UNC5C: variants seen among roughly 807,000 people sequenced by gnomAD.
UNC5C encodes the protein unc-5 netrin receptor C.
UNC5C carries 47 observed loss-of-function variants against 99.8 expected under a neutral mutation model. That is an observed-to-expected ratio of 0.47 (90% CI 0.37 to 0.60). UNC5C has a LOEUF of 0.60. Among genes scored for constraint, UNC5C ranks in the 20% least tolerant of loss-of-function variants. The pLI, the probability that UNC5C is intolerant of heterozygous loss-of-function variation, is 0.00. For missense variants in UNC5C, 1,062 were observed against 1,165.9 expected (o/e 0.91, Z 1.30); for synonymous variants, 487 against 452.2 (o/e 1.08, Z -0.98).
At chr4:95,475,560 T>C (rs930412236) in intron 1 of UNC5C, among the ~76,000 whole-genome samples, 6 of 151,978 alleles carry the variant, frequency 3.9e-5, no homozygotes, top group African/African-American at 7.2e-5. Flanking sequence ...GATAGATAGA[T>C]AGATATTTGA....
intron 1 of UNC5C, among the ~76,000 whole-genome samples, chr4:95,363,977 G>A (rs898357823): frequency 1.3e-5 from 2 of 152,074 alleles, no homozygotes; most frequent in Admixed American, 1.3e-4. Flanking sequence ...TAAAGTGTGG[G>A]GGTGACATAT....
chr4:95,496,810 A>G (rs1050378202), intron 1 of UNC5C, among the ~76,000 whole-genome samples: 6 of 151,726 alleles, frequency 4.0e-5, no homozygotes, highest in African/African-American at 1.5e-4. Context: ...ACCATACCCA[A>G]TATGTAGTTT....
intron 1 of UNC5C, among the ~76,000 whole-genome samples, chr4:95,367,986 G>A (rs1006188808): frequency 6.6e-6 from 1 of 152,150 alleles, no homozygotes; most frequent in Non-Finnish European, 1.5e-5. Flanking sequence ...CAGATATGGT[G>A]CAGTGAATAG....
At chr4:95,520,914 A>T (rs1050434639) in intron 1 of UNC5C, among the ~76,000 whole-genome samples, 1 of 151,918 alleles carries the variant, frequency 6.6e-6, no homozygotes, top group Non-Finnish European at 1.5e-5. Flanking sequence ...TATCCTCTTT[A>T]TTGTAACCTG....
intron 1 of UNC5C, among the ~76,000 whole-genome samples, chr4:95,361,128 C>A (rs1292095456): frequency 6.6e-6 from 1 of 152,070 alleles, no homozygotes; most frequent in Non-Finnish European, 1.5e-5. Flanking sequence ...TAAGACAGCA[C>A]GGATCACATG....
rs151051852 is a variant in UNC5C, at chr4:95,349,322, G to GGTGTGTGT, written c.125-13699_125-13692dup. Among the ~76,000 whole-genome samples the GGTGTGTGT allele has an allele frequency of 2.2e-3, 270 of 120,714 alleles. 3 individuals carry two copies. In the East Asian group the frequency reaches 0.027, roughly 12 times the overall value. 79.2% of individuals were successfully genotyped at this position (120,714 alleles called of 152,430 possible). A position where few individuals can be genotyped will look rare whatever the true frequency, so the allele number is the denominator to read the frequency against. ...AAAATAAAAAGAATGAGAGAGAAAG[G>GGTGTGTGT]GTGTGTGTGTGTGTGTGTGGGTGTG... is the stretch of plus-strand genomic sequence containing the variant. On this transcript the variant is annotated intron_variant, in intron 1 of 15. Coordinates refer to ENST00000453304, the MANE Select transcript of UNC5C (RefSeq NM_003728.4).
intron 2 of UNC5C, among the ~76,000 whole-genome samples, chr4:95,310,904 A>G (rs558015322): frequency 6.6e-6 from 1 of 152,300 alleles, no homozygotes; most frequent in East Asian, 1.9e-4. Context: ...ATAAGACAAT[A>G]TTACATAGAA....
At chr4:95,425,554 C>A (rs1054308891) in intron 1 of UNC5C, among the ~76,000 whole-genome samples, 1 of 152,256 alleles carries the variant, frequency 6.6e-6, no homozygotes, top group African/African-American at 2.4e-5. Context: ...GATCTCCTGA[C>A]CTCGTGATCC....
At chr4:95,381,436 T>C (rs1275928404) in intron 1 of UNC5C, among the ~76,000 whole-genome samples, 1 of 152,214 alleles carries the variant, frequency 6.6e-6, no homozygotes, top group Non-Finnish European at 1.5e-5. Context: ...ACAACTCCTA[T>C]TTGTGTGTCT....
chr4:95,295,902 T>C (rs1449143302), intron 3 of UNC5C, among the ~76,000 whole-genome samples: 1 of 152,102 alleles, frequency 6.6e-6, no homozygotes, highest in African/African-American at 2.4e-5. Context: ...CTGGGCAACA[T>C]GGAGGGACCC....
At chr4:95,488,538 C>T (rs947588384) in intron 1 of UNC5C, among the ~76,000 whole-genome samples, 1 of 151,556 alleles carries the variant, frequency 6.6e-6, no homozygotes, top group African/African-American at 2.4e-5. Context: ...ATTTTAATAT[C>T]AGTTCTTTGG....
chr4:95,305,115 G>A (rs1280094478), intron 2 of UNC5C, among the ~76,000 whole-genome samples: 1 of 152,176 alleles, frequency 6.6e-6, no homozygotes, highest in African/African-American at 2.4e-5. Flanking sequence ...CTTCACAGAT[G>A]TCCCATTCAG....
At chr4:95,293,131 G>A (rs1401632991) in intron 3 of UNC5C, among the ~76,000 whole-genome samples, 5 of 151,984 alleles carry the variant, frequency 3.3e-5, no homozygotes, top group Admixed American at 6.6e-5. Context: ...GGGTAAGAAT[G>A]TTTCAAGTGA....
chr4:95,296,866 A>G (rs1443485455), intron 3 of UNC5C, among the ~76,000 whole-genome samples: 2 of 152,216 alleles, frequency 1.3e-5, no homozygotes, highest in Non-Finnish European at 2.9e-5. Flanking sequence ...TTAATAAAAA[A>G]TCAATTCTTC....
intron 1 of UNC5C, among the ~76,000 whole-genome samples, chr4:95,524,029 A>G (rs1722434068): frequency 6.6e-6 from 1 of 152,204 alleles, no homozygotes; most frequent in Admixed American, 6.5e-5. Context: ...GGTCCTCTTC[A>G]GAGCACACAA....
chr4:95,219,049 A>G lies in UNC5C; in HGVS notation c.1565T>C (p.Leu522Pro). 1.9e-6 allele frequency: 3 copies of G among 1,614,168 alleles called. No individual in the cohort carries two copies. The highest frequency in any genetic ancestry group is 2.5e-6 in the Non-Finnish European group (3 of 1,180,010). Residue 522 changes from leucine to proline, a missense_variant, in exon 9 of 16, where the codon CTA becomes CCA. Leu to Pro is a moderately conservative substitution (Grantham distance 98, BLOSUM62 -3). Around this residue, in one of 3 missense-constraint regions of UNC5C, gnomAD observed 810 missense variants for 854.5 expected, o/e 0.95. Coordinates refer to ENST00000453304, the MANE Select transcript of UNC5C (RefSeq NM_003728.4). Reference protein sequence around the residue: ...NEALSLKNQSLARQTDPSCTA... With the variant: ...NEALSLKNQSPARQTDPSCTA... Reference sequence around the variant, plus strand: ...ACAGGATGGATCAGTCTGCCTTGCTAGACTCTGGTTCTTCAGGCTGAGGGC... The same window carrying G: ...ACAGGATGGATCAGTCTGCCTTGCTGGACTCTGGTTCTTCAGGCTGAGGGC...
chr4:95,479,838 G>T (rs1248380502), intron 1 of UNC5C, among the ~76,000 whole-genome samples: 2 of 151,878 alleles, frequency 1.3e-5, no homozygotes, highest in Non-Finnish European at 2.9e-5. Context: ...GGGTGTTCTG[G>T]ATGAGATTGA....
intron 2 of UNC5C, among the ~76,000 whole-genome samples, chr4:95,325,587 C>T (rs1742853355): frequency 6.6e-6 from 1 of 152,116 alleles, no homozygotes; most frequent in African/African-American, 2.4e-5. Context: ...GTTCCCACTC[C>T]TGCAACAAAT....
chr4:95,395,822 A>G (rs1289572328), intron 1 of UNC5C, among the ~76,000 whole-genome samples: 2 of 152,188 alleles, frequency 1.3e-5, no homozygotes, highest in Non-Finnish European at 2.9e-5. Flanking sequence ...GAATTTTAAG[A>G]TAGCCACAGC....
Sources: gnomAD v4.1 joint callset for allele counts (sites outside exome capture counted in the v4.1 genomes callset) on GRCh38, gnomAD v4.1.1 for gene constraint, gnomAD v4.1.1 regional missense constraint, MANE v1.5 for transcripts, NCBI Gene and HGNC (gene_info 2026-07-23, HGNC 2026-07-21) for gene names.